Variants in HNRNPAB observed in about 807,000 individuals in gnomAD.
HNRNPAB encodes the protein ABBP-1.
In HNRNPAB, 17 loss-of-function variants were observed where a neutral mutation model predicts 44.1. The ratio of observed to expected loss-of-function variants is 0.39; its 90% confidence interval spans 0.26 to 0.58. HNRNPAB has a LOEUF of 0.58. Among genes scored for constraint, HNRNPAB ranks in the 20% least tolerant of loss-of-function variants. The pLI is 0.63. For missense variants in HNRNPAB, 393 were observed against 432.7 expected (o/e 0.91, Z 0.81); for synonymous variants, 183 against 167.6 (o/e 1.09, Z -0.71).
In HNRNPAB at chr5:178,206,666, C is replaced by G. The variant is rs567291542; in HGVS notation, c.379-66C>G. The G allele has an allele frequency of 3.9e-5, 59 of 1,505,800 alleles. 1 individual carries two copies. In the African/African-American group the frequency reaches 7.4e-4, roughly 19 times the overall value. 93.3% of individuals were successfully genotyped at this position (1,505,800 alleles called of 1,614,324 possible). A position where few individuals can be genotyped will look rare whatever the true frequency, so the allele number is the denominator to read the frequency against. On this transcript the variant is annotated intron_variant, in intron 3 of 7. Coordinates refer to ENST00000358344, the MANE Select transcript of HNRNPAB (RefSeq NM_031266.3). ...TGTATCTGTACTGGTGTCTTTATGG[C>G]TTAGAGAGAAGGGCCTTGTCTGGCT...
chr5:178,209,289 G>A (rs1207421521), intron 5 of HNRNPAB, 41 bp from the exon 6 acceptor site: 1 of 1,535,010 alleles, frequency 6.5e-7, no homozygotes, highest in Non-Finnish European at 9.0e-7. Flanking sequence ...ACTGCCCTGA[G>A]TTTGTCCTAC....
intron 7 of HNRNPAB, 107 bp from the exon 8 acceptor site, chr5:178,210,446 G>C: frequency 6.7e-7 from 1 of 1,484,318 alleles, no homozygotes. Flanking sequence ...GAGGAAGGCA[G>C]TCTCTGCTGT....
intron 5 of HNRNPAB, 48 bp from the exon 6 acceptor site, chr5:178,209,282 G>GC (rs778787282): frequency 5.5e-6 from 8 of 1,466,126 alleles, no homozygotes; most frequent in Middle Eastern, 3.5e-4. Flanking sequence ...GGCAGTCACT[G>GC]CCCTGAGTTT....
intron 5 of HNRNPAB, among the ~76,000 whole-genome samples, chr5:178,208,199 G>A (rs1269094784): frequency 6.6e-6 from 1 of 152,202 alleles, no homozygotes; most frequent in Non-Finnish European, 1.5e-5. Flanking sequence ...GCAGTGGCAG[G>A]GTGTGGCAGG....
rs762073136 is a variant in HNRNPAB at position 178,210,272 on chromosome 5, A to C, written c.928A>C (p.Ser310Arg). The C allele has an allele frequency of 1.2e-6, 2 of 1,614,032 alleles. No individual in the cohort carries two copies. The highest frequency in any genetic ancestry group is 1.7e-6 in the Non-Finnish European group (2 of 1,179,972). ...CGGCTACGGCCCCGGCTACGACTAC[A>C]GTAAGTAGGAGAGAGGGAGGCCCCA... ...YYGYGPGYDY[S>R]QGSTNYGKSQ... The change falls in exon 7 of 8, where the codon AGT becomes CGT. Residue 310 changes from serine (S) to arginine (R), a missense_variant and splice_region_variant. Physicochemically the swap from Ser to Arg is moderately radical, Grantham distance 110 (BLOSUM62 -1). Around this residue, in one of 3 missense-constraint regions of HNRNPAB, gnomAD observed 210 missense variants for 196.9 expected, o/e 1.07. Coordinates refer to ENST00000358344, the MANE Select transcript of HNRNPAB (RefSeq NM_031266.3).
chr5:178,205,866 C>T lies in HNRNPAB; in HGVS notation c.234C>T (p.Ser78=). 6.2e-7 allele frequency: 1 copy of T among 1,614,014 alleles called. No individual in the cohort carries two copies. Among genetic ancestry groups the T allele is most frequent in the Non-Finnish European group, 8.5e-7 (1 of 1,179,924 alleles). The change falls in exon 3 of 8, where the codon AGC becomes AGT. Residue 78 remains serine (S), a synonymous_variant. Transcript: ENST00000358344. The part of the protein sequence containing the change: ...DAGKMFVGGL[S]WDTSKKDLKD... ...GAAAAATGTTCGTTGGTGGCCTGAG[C>T]TGGGATACTAGCAAAAAAGATTTAA...
In HNRNPAB at chr5:178,210,674, G is replaced by A; in HGVS notation, c.*51G>A. 2 of 1,388,102 alleles carry A rather than the reference G, an allele frequency of 1.4e-6. No individual in the cohort carries two copies. The highest frequency in any genetic ancestry group is 2.1e-6 in the Non-Finnish European group (2 of 974,956). 86.0% of individuals were successfully genotyped at this position (1,388,102 alleles called of 1,614,324 possible). On this transcript the variant is annotated 3_prime_UTR_variant, in exon 8 of 8. Coordinates refer to ENST00000358344, the MANE Select transcript of HNRNPAB (RefSeq NM_031266.3). ...TCGCACACATGCTTTGTTTGGATAT[G>A]GAGTGAACACAATTATGTACCAAAT...
In HNRNPAB at chr5:178,209,406, A is replaced by G. The variant is rs759367026; in HGVS notation, c.746A>G (p.Asn249Ser). Residue 249 changes from asparagine (N) to serine (S), a missense_variant, in exon 6 of 8, where the codon AAC becomes AGC. By Grantham distance (46) the Asn-to-Ser change is conservative. Transcript: ENST00000358344. ...GGCTCTGGGGGCCGTGGAAACCGCA[A>G]CCGAGGGAACCGAGGCAGCGGAGGT... is the stretch of plus-strand genomic sequence containing the variant. The part of the protein sequence containing the change: ...QYGSGGRGNR[N>S]RGNRGSGGGG... 2.5e-6 allele frequency: 4 copies of G among 1,613,888 alleles called. No individual in the cohort carries two copies. The highest frequency in any genetic ancestry group is 3.4e-6 in the Non-Finnish European group (4 of 1,179,768).
At chr5:178,209,517 G>A in intron 6 of HNRNPAB, 70 bp downstream of exon 6, 2 of 1,332,384 alleles carry the variant, frequency 1.5e-6, no homozygotes, top group Non-Finnish European at 2.2e-6. Flanking sequence ...CCTGTCTTGG[G>A]GCTCCCTCTG....
intron 6 of HNRNPAB, among the ~76,000 whole-genome samples, 183 bp downstream of exon 6, chr5:178,209,630 T>TGCC (rs1323819834): frequency 6.6e-6 from 1 of 152,186 alleles, no homozygotes; most frequent in Non-Finnish European, 1.5e-5. Context: ...TGCCTGCTGC[T>TGCC]GCCCCTTGGA....
Position 178,210,120 on chromosome 5 carries a change from C to T in HNRNPAB, c.788-12C>T. ...ATGGTCCACGGGCCCCTGTGCCCTG[C>T]TCCCCCCACAGGTCAGAGTCAGAGT... On this transcript the variant is annotated splice_polypyrimidine_tract_variant and intron_variant, in intron 6 of 7. Coordinates refer to ENST00000358344, the MANE Select transcript of HNRNPAB (RefSeq NM_031266.3). 1.9e-6 allele frequency: 3 copies of T among 1,613,910 alleles called. No individual in the cohort carries two copies. The highest frequency in any genetic ancestry group is 2.5e-6 in the Non-Finnish European group (3 of 1,179,934).
intron 5 of HNRNPAB, chr5:178,208,586 CTG>C (rs1304710494): frequency 6.6e-6 from 1 of 152,228 alleles, no homozygotes. Context: ...GACTGGGACA[CTG>C]TAAAATGTAC....
chr5:178,207,037 C>T lies in HNRNPAB; in HGVS notation c.538-57C>T, dbSNP rs1236651439. The T allele has an allele frequency of 4.4e-6, 7 of 1,606,642 alleles. No homozygotes were observed. In the African/African-American group the frequency reaches 5.4e-5, roughly 12 times the overall value. On this transcript the variant is annotated intron_variant, in intron 4 of 7. Coordinates refer to ENST00000358344, the MANE Select transcript of HNRNPAB (RefSeq NM_031266.3). ...ATGGGGTCTTTTCTCCTGTGAGTCC[C>T]CTATATGCTCTGGGGTAGGGAGGTA...
chr5:178,204,948 G>T lies in HNRNPAB; in HGVS notation c.111G>T (p.Ala37=). The T allele has an allele frequency of 3.3e-6, 4 of 1,210,132 alleles. No homozygotes were observed. The highest frequency in any genetic ancestry group is 4.1e-6 in the Non-Finnish European group (4 of 974,052). The allele number at this position is 1,210,132 out of a possible 1,614,324, so 75.0% of individuals were successfully genotyped here. Residue 37 remains alanine (A), a synonymous_variant, in exon 2 of 8, where the codon GCG becomes GCT. Transcript: ENST00000358344. Reference sequence around the variant, plus strand: ...CGGCCGGGGCTGGCACGGGCGCCGCGGCGGGGGCTGGAGGCGCGACCGCGG... The same window carrying T: ...CGGCCGGGGCTGGCACGGGCGCCGCTGCGGGGGCTGGAGGCGCGACCGCGG... ...ESPAGAGTGA[A]AGAGGATAAP...
At position 178,204,602 on chromosome 5, in the gene HNRNPAB, A is replaced by G. The variant is rs1330509076; in HGVS notation, c.-162A>G. 1.5e-5 allele frequency: 4 copies of G among 261,356 alleles called. No individual in the cohort carries two copies. The highest frequency in any genetic ancestry group is 2.9e-5 in the Non-Finnish European group (4 of 139,480). The allele number at this position is 261,356 out of a possible 1,614,324, so 16.2% of individuals were successfully genotyped here. A position where few individuals can be genotyped will look rare whatever the true frequency, so the allele number is the denominator to read the frequency against. On this transcript the variant is annotated 5_prime_UTR_variant, in exon 1 of 8. Coordinates refer to ENST00000358344, the MANE Select transcript of HNRNPAB (RefSeq NM_031266.3). The stretch of plus-strand genomic sequence containing the variant: ...GGTTCCCGTGCGGCGGCGGCCAAGG[A>G]GGAGGAGACACAGTTGGAGCAGCTC...
chr5:178,207,281 G>C, intron 5 of HNRNPAB, 56 bp downstream of exon 5: 2 of 1,604,466 alleles, frequency 1.2e-6, no homozygotes, highest in Non-Finnish European at 1.7e-6. Flanking sequence ...CTGGCCCTTA[G>C]AGGGATGGGT....
At chr5:178,208,864 G>A (rs1581165617) in intron 5 of HNRNPAB, 1 of 154,034 alleles carries the variant, frequency 6.5e-6, no homozygotes, top group Non-Finnish European at 1.4e-5. Context: ...CTGTAAGAGG[G>A]AGGTCAGGCT....
chr5:178,205,092 G>T, intron 2 of HNRNPAB, 46 bp downstream of exon 2: 3 of 1,180,112 alleles, frequency 2.5e-6, no homozygotes, highest in Non-Finnish European at 3.2e-6. Context: ...TTGTTCCGGG[G>T]CCGCCTTTTG....
chr5:178,205,822 GTC>G lies in HNRNPAB; in HGVS notation c.210-17_210-16del. On this transcript the variant is annotated intron_variant, in intron 2 of 7. Coordinates refer to ENST00000358344, the MANE Select transcript of HNRNPAB (RefSeq NM_031266.3). Reference sequence around the variant, plus strand: ...TTGCTTACAAGACTTGTTGCCGTGTGTCTCACCCTACCATTTCAGAAAAATGT... The same window carrying G: ...TTGCTTACAAGACTTGTTGCCGTGTGTCACCCTACCATTTCAGAAAAATGT... 6.2e-7 allele frequency: 1 copy of G among 1,608,550 alleles called. No individual in the cohort carries two copies. The highest frequency in any genetic ancestry group is 8.5e-7 in the Non-Finnish European group (1 of 1,176,836).
Sources: allele counts gnomAD v4.1 joint callset (sites outside exome capture counted in the v4.1 genomes callset), GRCh38; gene constraint gnomAD v4.1.1; regional missense constraint gnomAD v4.1.1; transcripts MANE v1.5; gene names NCBI Gene and HGNC (gene_info 2026-07-23, HGNC 2026-07-21).